LPA: variants seen among roughly 807,000 people sequenced by gnomAD.
LPA encodes the protein apolipoprotein(a).
A neutral mutation model predicts 197.9 loss-of-function variants in LPA; 199 were observed. That is an observed-to-expected ratio of 1.01 (90% CI 0.90 to 1.13). The LOEUF (loss-of-function observed/expected upper bound fraction) is 1.13. Among genes scored for constraint, LPA ranks in the 50% most tolerant of loss-of-function variants. The probability of loss-of-function intolerance (pLI) is 0.00; values close to 1 mark genes in which losing one functional copy is unlikely to be tolerated. For synonymous variants in LPA, 715 were observed against 639.5 expected, an observed-to-expected ratio of 1.12 and a Z score of -1.78; for missense variants, 1,853 against 1,785.8, an observed-to-expected ratio of 1.04 and a Z score of -0.68.
At chr6:160,547,399 A>G (rs1160659371) in intron 32 of LPA, among the ~76,000 whole-genome samples, 1 of 152,098 alleles carries the variant, frequency 6.6e-6, no homozygotes, top group Non-Finnish European at 1.5e-5. Flanking sequence ...GAGTGATGGG[A>G]AGCAGCAGAA....
intron 28 of LPA, among the ~76,000 whole-genome samples, chr6:160,574,030 A>T (rs1191381676): frequency 6.6e-6 from 1 of 152,132 alleles, no homozygotes; most frequent in Non-Finnish European, 1.5e-5. Context: ...GGGTGGGACT[A>T]GGCGTGTCTG....
rs73594862 is a variant in LPA, at chr6:160,545,595, T to C, written c.5305-62A>G. ...GGAGCAGGAGAGGGAGAAGATATTCTAAGGCACACACATTTCACATCTATT... is the reference window on the plus strand; with the variant it reads ...GGAGCAGGAGAGGGAGAAGATATTCCAAGGCACACACATTTCACATCTATT... On this transcript the variant is annotated intron_variant, in intron 32 of 38. Transcript: ENST00000316300. 481 of 931,844 alleles carry C rather than the reference T, an allele frequency of 5.2e-4. 3 individuals carry two copies. The African/African-American group carries it at 6.7e-3, about 13-fold the overall frequency. The allele number at this position is 931,844 out of a possible 1,614,324, so 57.7% of individuals were successfully genotyped here. A position where few individuals can be genotyped will look rare whatever the true frequency, so the allele number is the denominator to read the frequency against.
At chr6:160,555,594 G>GTT (rs1270943669) in intron 30 of LPA, among the ~76,000 whole-genome samples, 3 of 150,400 alleles carry the variant, frequency 2.0e-5, no homozygotes, top group Admixed American at 1.3e-4. Context: ...AACACACCTG[G>GTT]TTATATATAT....
At position 160,531,902 on chromosome 6, in the gene LPA, T is replaced by C; in HGVS notation, c.5962-12A>G. 1 of 1,613,834 alleles carries C rather than the reference T, an allele frequency of 6.2e-7. No individual in the cohort carries two copies. Among genetic ancestry groups the C allele is most frequent in the Non-Finnish European group, 8.5e-7 (1 of 1,179,822 alleles). ...CCTCCACTGTCACCCTAAACAGAGG[T>C]AGGGGAAAATTCATGTGAGCTTTAA... On this transcript the variant is annotated splice_polypyrimidine_tract_variant and intron_variant, in intron 38 of 38. Coordinates refer to ENST00000316300, the MANE Select transcript of LPA (RefSeq NM_005577.4).
intron 28 of LPA, among the ~76,000 whole-genome samples, chr6:160,560,000 T>C (rs961269582): frequency 1.6e-4 from 24 of 152,340 alleles, no homozygotes; most frequent in African/African-American, 5.8e-4. Flanking sequence ...CCATGTGTTC[T>C]CATTGTTCAA....
intron 7 of LPA, among the ~76,000 whole-genome samples, chr6:160,634,800 G>C (rs1779772723): frequency 6.6e-6 from 1 of 150,422 alleles, no homozygotes; most frequent in African/African-American, 2.5e-5. Flanking sequence ...TACTGCGACA[G>C]AAAGAATCAC....
At chr6:160,537,761 A>G in intron 37 of LPA, 94 bp downstream of exon 37, 1 of 1,149,392 alleles carries the variant, frequency 8.7e-7, no homozygotes, top group South Asian at 1.3e-5. Flanking sequence ...ATTCATGGGT[A>G]GGAATTTGTA....
chr6:160,610,586 T>A (rs1428466727), intron 16 of LPA, among the ~76,000 whole-genome samples: 4 of 152,156 alleles, frequency 2.6e-5, no homozygotes, highest in Non-Finnish European at 4.4e-5. Context: ...TCTGTGCACA[T>A]GCAGTGTCAT....
At chr6:160,557,626 C>T in intron 28 of LPA, 55 bp from the exon 29 acceptor site, 3 of 1,464,358 alleles carry the variant, frequency 2.0e-6, no homozygotes, top group East Asian at 2.3e-5. Context: ...TTCAGGGGCA[C>T]CCAGCGCTGT....
At chr6:160,610,146 C>A (rs1453981440) in intron 16 of LPA, among the ~76,000 whole-genome samples, 1 of 152,036 alleles carries the variant, frequency 6.6e-6, no homozygotes, top group Non-Finnish European at 1.5e-5. Flanking sequence ...ATTTTCTGGT[C>A]ATGGATCACA....
intron 28 of LPA, among the ~76,000 whole-genome samples, chr6:160,562,041 C>T (rs1778371246): frequency 6.6e-6 from 1 of 152,134 alleles, no homozygotes; most frequent in African/African-American, 2.4e-5. Flanking sequence ...CCCTCTCTTC[C>T]CACTTGAATA....
At position 160,611,583 on chromosome 6, in the gene LPA, G is replaced by A; in HGVS notation, c.2582C>T (p.Thr861Ile). ...ATACGCATTTGGGTAGTATTCTGGG[G>A]TCCGACTATGCGAGTGTGGTGTCAT... ...SSMTPHSHSRTPEYYPNAGLI... is the reference protein window; with the variant it reads ...SSMTPHSHSRIPEYYPNAGLI... Residue 861 changes from threonine to isoleucine, a missense_variant, in exon 16 of 39, where the codon ACC becomes ATC. Thr to Ile is a moderately conservative substitution (Grantham distance 89). Around this residue, in one of 3 missense-constraint regions of LPA, gnomAD observed 1,737 missense variants for 1,504.4 expected, o/e 1.15. Transcript: ENST00000316300. 1.2e-6 allele frequency: 2 copies of A among 1,605,056 alleles called. No homozygotes were observed. The highest frequency in any genetic ancestry group is 1.1e-5 in the South Asian group (1 of 90,916).
In LPA at chr6:160,606,668, C is replaced by A. The variant is rs1401514728; in HGVS notation, c.2604-10G>T. The stretch of plus-strand genomic sequence containing the variant: ...GTTCATGATCAAGCCACTGGAAATT[C>A]CAAAACGATACACGTCACAAGAGGT... On this transcript the variant is annotated splice_polypyrimidine_tract_variant and intron_variant, in intron 16 of 38. Transcript: ENST00000316300. 6.2e-7 allele frequency: 1 copy of A among 1,613,874 alleles called. No individual in the cohort carries two copies. Among genetic ancestry groups the A allele is most frequent in the Admixed American group, 1.7e-5 (1 of 60,014 alleles).
At chr6:160,593,851 C>G in intron 22 of LPA, 107 bp downstream of exon 22, 1 of 1,384,226 alleles carries the variant, frequency 7.2e-7, no homozygotes, top group Non-Finnish European at 1.0e-6. Flanking sequence ...ACCCAACATT[C>G]CAGATCTGAG....
chr6:160,588,511 A>G (rs751309691), intron 24 of LPA, among the ~76,000 whole-genome samples: 1 of 152,092 alleles, frequency 6.6e-6, no homozygotes, highest in Non-Finnish European at 1.5e-5. Flanking sequence ...CATTGAGCTT[A>G]CTGTTCCCCT....
At chr6:160,580,329 A>G (rs1000439047) in intron 26 of LPA, among the ~76,000 whole-genome samples, 1 of 140,406 alleles carries the variant, frequency 7.1e-6, no homozygotes, top group Non-Finnish European at 1.5e-5. Flanking sequence ...ACATTGAAAT[A>G]GTTTTTATTT....
At chr6:160,535,539 ATGG>A in intron 37 of LPA, among the ~76,000 whole-genome samples, 1 of 149,142 alleles carries the variant, frequency 6.7e-6, no homozygotes, top group Non-Finnish European at 1.5e-5. Flanking sequence ...GGTGATGGTG[ATGG>A]TGGTAGTAGT....
Position 160,532,529 on chromosome 6 carries a change from A to G in LPA, c.5961+2T>C. 1 of 1,579,316 alleles carries G rather than the reference A, an allele frequency of 6.3e-7. No individual in the cohort carries two copies. The highest frequency in any genetic ancestry group is 1.7e-5 in the Admixed American group (1 of 59,950). On this transcript the variant is annotated splice_donor_variant, in intron 38 of 38. Coordinates refer to ENST00000316300, the MANE Select transcript of LPA (RefSeq NM_005577.4). LOFTEE classifies it high-confidence loss of function. Reference sequence around the variant, plus strand: ...GACTTTGATCTATTGATCTTTTCTTACCTGGCAACTGTCAGTGCCTCTGGC... The same window carrying G: ...GACTTTGATCTATTGATCTTTTCTTGCCTGGCAACTGTCAGTGCCTCTGGC...
In LPA at chr6:160,599,448, C is replaced by G. The variant is rs192900324; in HGVS notation, c.3287+52G>C. ...TCACCTTGAAGCATGACTCTTCTAA[C>G]AGAAACTTCCATTGGCCCTTCCTTC... On this transcript the variant is annotated intron_variant, in intron 20 of 38. Coordinates refer to ENST00000316300, the MANE Select transcript of LPA (RefSeq NM_005577.4). The G allele has an allele frequency of 6.3e-5, 101 of 1,609,080 alleles. 1 individual carries two copies. In the East Asian group the frequency reaches 2.1e-3, roughly 33 times the overall value.
Sources: allele counts gnomAD v4.1 joint callset (sites outside exome capture counted in the v4.1 genomes callset), GRCh38; gene constraint gnomAD v4.1.1; regional missense constraint gnomAD v4.1.1; transcripts MANE v1.5; gene names NCBI Gene and HGNC (gene_info 2026-07-23, HGNC 2026-07-21).